The following MGRN1 variants were observed in gnomAD, a reference collection of about 807,000 sequenced individuals.
The protein encoded by MGRN1 is E3 ubiquitin-protein ligase MGRN1.
A neutral mutation model predicts 69.2 loss-of-function variants in MGRN1; 29 were observed. The ratio of observed to expected loss-of-function variants is 0.42; its 90% confidence interval spans 0.31 to 0.57. MGRN1 has a LOEUF of 0.57. Ranked by LOEUF, MGRN1 falls within the 20% of genes least tolerant of loss-of-function variation. The pLI, the probability that MGRN1 is intolerant of heterozygous loss-of-function variation, is 0.15. For synonymous variants in MGRN1, 470 were observed against 344.2 expected, an observed-to-expected ratio of 1.37 and a Z score of -4.04; for missense variants, 998 against 796.2, an observed-to-expected ratio of 1.25 and a Z score of -3.05.
intron 16 of MGRN1, chr16:4,687,584 C>CACACACACACACACAG (rs2141992740): frequency 1.0e-6 from 1 of 961,138 alleles, no homozygotes; most frequent in East Asian, 1.2e-4. Flanking sequence ...AAAATACACA[C>CACACACACACACACAG]ACACACACAC....
Position 4,657,470 on chromosome 16 carries a change from C to T in MGRN1, c.561+107C>T, listed in dbSNP as rs556471563. 287 of 1,117,892 alleles carry T rather than the reference C, an allele frequency of 2.6e-4. 1 individual carries two copies. In the East Asian group the frequency reaches 6.7e-3, roughly 26 times the overall value. The allele number at this position is 1,117,892 out of a possible 1,614,324, so 69.2% of individuals were successfully genotyped here. ...TGTGTGTTTGGCTTCCTCCAGGGTT[C>T]ATAAGACCTGGGAACGGCCGCCCCA... On this transcript the variant is annotated intron_variant, in intron 5 of 16. Coordinates refer to ENST00000262370, the MANE Select transcript of MGRN1 (RefSeq NM_015246.4).
chr16:4,654,979 T>A (rs947025299), intron 4 of MGRN1, among the ~76,000 whole-genome samples: 1 of 152,210 alleles, frequency 6.6e-6, no homozygotes, highest in South Asian at 2.1e-4. Context: ...TTAATGACAC[T>A]AGTAATGCAT....
At chr16:4,678,872 G>C (rs1195072822) in intron 11 of MGRN1, among the ~76,000 whole-genome samples, 2 of 152,270 alleles carry the variant, frequency 1.3e-5, no homozygotes, top group South Asian at 4.1e-4. Context: ...AAGCCCCCTT[G>C]ATCAGGGCCT....
chr16:4,685,109 C>T (rs752458989), intron 16 of MGRN1, among the ~76,000 whole-genome samples: 1 of 152,238 alleles, frequency 6.6e-6, no homozygotes, highest in African/African-American at 2.4e-5. Context: ...CAACTCACAG[C>T]AGAAGGTGTG....
At chr16:4,628,585 C>T (rs1013414333) in intron 1 of MGRN1, among the ~76,000 whole-genome samples, 1 of 152,038 alleles carries the variant, frequency 6.6e-6, no homozygotes, top group Non-Finnish European at 1.5e-5. Context: ...TGCTCTGTCG[C>T]CCAGGTTGCA....
chr16:4,638,249 G>A (rs1359014227), intron 1 of MGRN1, among the ~76,000 whole-genome samples: 1 of 152,006 alleles, frequency 6.6e-6, no homozygotes, highest in Non-Finnish European at 1.5e-5. Flanking sequence ...GGTGGATTAC[G>A]AGGTCAGGAG....
At chr16:4,657,433 C>A in intron 5 of MGRN1, 70 bp downstream of exon 5, 1 of 1,416,400 alleles carries the variant, frequency 7.1e-7, no homozygotes, top group Non-Finnish European at 9.9e-7. Flanking sequence ...GTGGGGCCAG[C>A]ACAGTGGGGT....
chr16:4,655,905 G>C (rs1041028649), intron 4 of MGRN1, among the ~76,000 whole-genome samples: 1 of 152,266 alleles, frequency 6.6e-6, no homozygotes, highest in Admixed American at 6.5e-5. Flanking sequence ...GTCCACCTGA[G>C]GGTGGCGTCT....
intron 16 of MGRN1, among the ~76,000 whole-genome samples, chr16:4,685,533 C>G (rs973657333): frequency 1.3e-5 from 2 of 152,216 alleles, no homozygotes; most frequent in African/African-American, 2.4e-5. Context: ...GGGCCCTGGG[C>G]CCCGCTCTTG....
At chr16:4,662,344 GTC>G (rs1013226554) in intron 5 of MGRN1, among the ~76,000 whole-genome samples, 3 of 151,912 alleles carry the variant, frequency 2.0e-5, no homozygotes, top group Non-Finnish European at 1.5e-5. Flanking sequence ...GTGAAACCCC[GTC>G]TCTACTAAAA....
At position 4,671,406 on chromosome 16, in the gene MGRN1, T is replaced by C. The variant is rs761250006; in HGVS notation, c.742T>C (p.Tyr248His). ...KQKQIVDRVS[Y>H]LLQEIYGIEN... ...TGCTCTCCAGGTGGACCGGGTCAGC[T>C]ACCTCCTGCAGGAGATCTATGGCAT... is the stretch of plus-strand genomic sequence containing the variant. Residue 248 changes from tyrosine (Y) to histidine (H), a missense_variant, in exon 9 of 17, where the codon TAC (tyrosine) becomes CAC (histidine). Transcript: ENST00000262370. The C allele has an allele frequency of 1.2e-6, 2 of 1,614,052 alleles. No homozygotes were observed. The highest frequency in any genetic ancestry group is 1.7e-6 in the Non-Finnish European group (2 of 1,179,970).
At chr16:4,659,454 G>T (rs971230251) in intron 5 of MGRN1, among the ~76,000 whole-genome samples, 7 of 152,202 alleles carry the variant, frequency 4.6e-5, no homozygotes, top group Non-Finnish European at 1.0e-4. Context: ...TGAGGTGGCC[G>T]GGGTAGGGGA....
At chr16:4,680,277 T>TC in intron 12 of MGRN1, 180 bp downstream of exon 12, 1 of 626,592 alleles carries the variant, frequency 1.6e-6, no homozygotes, top group Non-Finnish European at 2.7e-6. Flanking sequence ...AAGCTCTCGG[T>TC]CCGTGGGCGA....
intron 1 of MGRN1, among the ~76,000 whole-genome samples, chr16:4,630,244 T>G (rs1048820322): frequency 1.0e-4 from 15 of 147,534 alleles, no homozygotes; most frequent in African/African-American, 3.3e-4. Flanking sequence ...CCCAGCTAAT[T>G]GGGAGGCCGA....
intron 5 of MGRN1, 128 bp downstream of exon 5, chr16:4,657,491 C>T: frequency 4.5e-6 from 4 of 890,374 alleles, no homozygotes; most frequent in South Asian, 4.5e-5. Flanking sequence ...GGAACGGCCG[C>T]CCCAGTCTGT....
chr16:4,637,956 C>G (rs56208392), intron 1 of MGRN1, among the ~76,000 whole-genome samples: 8,077 of 152,298 alleles, frequency 0.053, 273 homozygotes, highest in Middle Eastern at 0.15. Context: ...CCTCCGTGCC[C>G]CAGCGTCTTT....
At chr16:4,675,484 A>AAGTGC (rs2079034643) in intron 10 of MGRN1, among the ~76,000 whole-genome samples, 2 of 151,930 alleles carry the variant, frequency 1.3e-5, no homozygotes, top group African/African-American at 4.8e-5. Context: ...CACACCTATA[A>AAGTGC]TCCCAGCACT....
intron 7 of MGRN1, among the ~76,000 whole-genome samples, chr16:4,666,184 G>C (rs780834811): frequency 2.0e-5 from 3 of 152,022 alleles, no homozygotes; most frequent in Non-Finnish European, 4.4e-5. Flanking sequence ...CTAGAGGGCT[G>C]TGGTGTGATC....
At chr16:4,674,381 C>G (rs909337999) in intron 10 of MGRN1, among the ~76,000 whole-genome samples, 1 of 151,578 alleles carries the variant, frequency 6.6e-6, no homozygotes, top group Non-Finnish European at 1.5e-5. Context: ...CTCCGCCTCC[C>G]GGGTTTAAGT....
Sources: gnomAD v4.1 joint callset for allele counts (sites outside exome capture counted in the v4.1 genomes callset) on GRCh38, gnomAD v4.1.1 for gene constraint, MANE v1.5 for transcripts, NCBI Gene and HGNC (gene_info 2026-07-23, HGNC 2026-07-21) for gene names.